The following NUP214 variants were observed in gnomAD, a reference collection of about 807,000 sequenced individuals.
NUP214 encodes nuclear pore complex protein Nup214.
In NUP214, 79 loss-of-function variants were observed where a neutral mutation model predicts 196.2. The observed-to-expected ratio is 0.40, with a 90% CI of 0.34 to 0.49. The LOEUF (loss-of-function observed/expected upper bound fraction) is 0.49, where lower values mean the gene tolerates loss of function less well. NUP214 is among the 20% of genes least tolerant of loss of function. The pLI is 0.58. For synonymous variants in NUP214, 1,020 were observed against 990.5 expected, an observed-to-expected ratio of 1.03 and a Z score of -0.56; for missense variants, 2,468 against 2,539.0, an observed-to-expected ratio of 0.97 and a Z score of 0.60.
intron 11 of NUP214, among the ~76,000 whole-genome samples, chr9:131,144,078 C>T (rs1437688759): frequency 6.6e-6 from 1 of 152,148 alleles, no homozygotes; most frequent in East Asian, 1.9e-4. Context: ...TAATGTCTTT[C>T]CTTAGTTTTC....
At position 131,198,429 on chromosome 9, in the gene NUP214, T is replaced by A; in HGVS notation, c.4935T>A (p.Phe1645Leu). ...CCGTCACTTCTGGCTCATCCGTCTT[T>A]GCTCAGCCTCCTGCTGCCAGTTCTA... ...FGTVTSGSSV[F>L]AQPPAASSSS... The change falls in exon 29 of 36, where the codon TTT becomes TTA. Residue 1645 changes from phenylalanine to leucine, a missense_variant. This residue lies in a region of NUP214 where 1,801 missense variants were observed against 1,779.4 expected (regional missense o/e 1.01). Transcript: ENST00000359428. 2 of 1,614,248 alleles carry A rather than the reference T, an allele frequency of 1.2e-6. No individual in the cohort carries two copies. Among genetic ancestry groups the A allele is most frequent in the South Asian group, 2.2e-5 (2 of 91,086 alleles).
At chr9:131,206,526 C>T (rs1305151259) in intron 30 of NUP214, among the ~76,000 whole-genome samples, 2 of 151,940 alleles carry the variant, frequency 1.3e-5, no homozygotes, top group Admixed American at 6.6e-5. Flanking sequence ...GTAACTGCAG[C>T]CTTGATCTCC....
At chr9:131,161,443 G>C (rs1454305534) in intron 18 of NUP214, among the ~76,000 whole-genome samples, 2 of 152,056 alleles carry the variant, frequency 1.3e-5, no homozygotes, top group Non-Finnish European at 2.9e-5. Context: ...ATTTTTAGTA[G>C]AGATGGGGTT....
In NUP214 at chr9:131,197,464, A is replaced by G; in HGVS notation, c.3970A>G (p.Ser1324Gly). 1 of 1,614,138 alleles carries G rather than the reference A, an allele frequency of 6.2e-7. No homozygotes were observed. The highest frequency in any genetic ancestry group is 8.5e-7 in the Non-Finnish European group (1 of 1,180,026). The change falls in exon 29 of 36, where the codon AGT becomes GGT. Residue 1324 changes from serine (S) to glycine (G), a missense_variant. Physicochemically the swap from Ser to Gly is moderately conservative, Grantham distance 56. Around this residue, in one of 5 missense-constraint regions of NUP214, gnomAD observed 1,801 missense variants for 1,779.4 expected, o/e 1.01. Transcript: ENST00000359428. ...PSKLGELLFP[S>G]SLAGETLGSF... ...CAAGCTGGGAGAGCTTCTGTTTCCA[A>G]GTTCTTTGGCTGGAGAGACTCTGGG... is the stretch of plus-strand genomic sequence containing the variant.
rs1360882629 is a variant in NUP214 at position 131,125,609 on chromosome 9, G to A, written c.-96G>A. 6.5e-7 allele frequency: 1 copy of A among 1,548,394 alleles called. No homozygotes were observed. Among genetic ancestry groups the A allele is most frequent in the Non-Finnish European group, 8.7e-7 (1 of 1,145,210 alleles). ...GCGAGGTCAACTGCGCGCCGCTGGC[G>A]CTGAGGGGAGGAAGTTTGCTGTCGA... On this transcript the variant is annotated 5_prime_UTR_variant, in exon 1 of 36. Transcript: ENST00000359428. This position sits in a 1 kb window ranked among gnomAD's most constrained non-coding sequence, Gnocchi z 4.1.
intron 17 of NUP214, among the ~76,000 whole-genome samples, chr9:131,152,145 C>T (rs1269977370): frequency 2.0e-5 from 3 of 152,104 alleles, no homozygotes; most frequent in Admixed American, 2.0e-4. Flanking sequence ...AGGGTCTTCT[C>T]ACTCTGTTGC....
rs1408179858 is a variant in NUP214, at chr9:131,232,180, G to A, written c.6215-104G>A. On this transcript the variant is annotated intron_variant, in intron 34 of 35. Transcript: ENST00000359428. The surrounding 1 kb of genome is among the most constrained non-coding windows in gnomAD (Gnocchi z 5.1). ...CCTGTAGGTGGTGGAGGCACGGAGG[G>A]CTTCCCACAAGAAGCACAGAGGAGG... 8.1e-7 allele frequency: 1 copy of A among 1,233,790 alleles called. No homozygotes were observed. The highest frequency in any genetic ancestry group is 1.5e-5 in the African/African-American group (1 of 67,446). The allele number at this position is 1,233,790 out of a possible 1,614,324, so 76.4% of individuals were successfully genotyped here.
At chr9:131,226,235 A>C (rs1397463784) in intron 32 of NUP214, among the ~76,000 whole-genome samples, 1 of 152,166 alleles carries the variant, frequency 6.6e-6, no homozygotes, top group Non-Finnish European at 1.5e-5. Context: ...TAAATCAGAA[A>C]GTTTATCATC....
chr9:131,164,243 G>T, intron 21 of NUP214, 99 bp downstream of exon 21: 2 of 1,060,770 alleles, frequency 1.9e-6, no homozygotes, highest in Admixed American at 1.9e-5. Context: ...GTGAGCTAGG[G>T]TGCTGTGTAT....
At chr9:131,150,072 T>G (rs568808014) in intron 14 of NUP214, 1 of 358,278 alleles carries the variant, frequency 2.8e-6, no homozygotes, top group African/African-American at 2.0e-5. Context: ...TGTGTTTATA[T>G]TTTATTATTC....
At chr9:131,216,168 G>A (rs1019914128) in intron 31 of NUP214, among the ~76,000 whole-genome samples, 2 of 149,460 alleles carry the variant, frequency 1.3e-5, no homozygotes, top group African/African-American at 2.5e-5. Flanking sequence ...GGGATTACAG[G>A]TATGAGCCAC....
intron 17 of NUP214, among the ~76,000 whole-genome samples, chr9:131,152,113 A>T (rs987607865): frequency 9.2e-5 from 14 of 152,140 alleles, no homozygotes; most frequent in South Asian, 2.1e-4. Flanking sequence ...GATTTTTTTT[A>T]AAATACTTTT....
rs770374521 is a variant in NUP214 at position 131,198,790 on chromosome 9, T to C, written c.5296T>C (p.Ser1766Pro). 15 of 1,614,072 alleles carry C rather than the reference T, an allele frequency of 9.3e-6. No individual in the cohort carries two copies. The highest frequency in any genetic ancestry group is 2.2e-5 in the East Asian group (1 of 44,900). Reference protein sequence around the residue: ...FGQPASSTPTSTSGSVFGAAS... With the variant: ...FGQPASSTPTPTSGSVFGAAS... ...TCAGCCTGCTTCCTCCACTCCCACA[T>C]CCACCAGTGGAAGTGTCTTTGGTGC... Residue 1766 changes from serine to proline, a missense_variant, in exon 29 of 36, where the codon TCC becomes CCC. Physicochemically the swap from Ser to Pro is moderately conservative, Grantham distance 74. Coordinates refer to ENST00000359428, the MANE Select transcript of NUP214 (RefSeq NM_005085.4).
At chr9:131,161,492 C>T (rs190283506) in intron 18 of NUP214, among the ~76,000 whole-genome samples, 79 of 152,178 alleles carry the variant, frequency 5.2e-4, no homozygotes, top group African/African-American at 1.8e-3. Flanking sequence ...CTCCTGACCT[C>T]GTGATCCACC....
At chr9:131,132,533 A>G in intron 5 of NUP214, 63 bp from the exon 6 acceptor site, 1 of 1,385,790 alleles carries the variant, frequency 7.2e-7, no homozygotes, top group Non-Finnish European at 1.0e-6. Flanking sequence ...TAGATTTGAC[A>G]GTTTGATTGG....
chr9:131,205,254 T>C (rs1834046306), intron 30 of NUP214, among the ~76,000 whole-genome samples: 1 of 152,252 alleles, frequency 6.6e-6, no homozygotes, highest in East Asian at 1.9e-4. Flanking sequence ...TAACCAACAG[T>C]GTAATTGTAT....
Position 131,198,682 on chromosome 9 carries a change from T to G in NUP214, c.5188T>G (p.Ser1730Ala). 6.2e-7 allele frequency: 1 copy of G among 1,614,222 alleles called. No homozygotes were observed. The highest frequency in any genetic ancestry group is 8.5e-7 in the Non-Finnish European group (1 of 1,180,034). ...VFGQTTFGQA[S>A]VFGQSASSAA... Reference sequence around the variant, plus strand: ...TGGACAGACAACCTTCGGGCAGGCCTCAGTCTTTGGGCAGTCGGCGAGCAG... The same window carrying G: ...TGGACAGACAACCTTCGGGCAGGCCGCAGTCTTTGGGCAGTCGGCGAGCAG... Residue 1730 changes from serine (S) to alanine (A), a missense_variant, in exon 29 of 36, where the codon TCA (serine) becomes GCA (alanine). Coordinates refer to ENST00000359428, the MANE Select transcript of NUP214 (RefSeq NM_005085.4).
intron 14 of NUP214, 183 bp from the exon 15 acceptor site, chr9:131,150,141 C>T (rs945110157): frequency 3.7e-6 from 2 of 543,854 alleles, no homozygotes; most frequent in Non-Finnish European, 6.6e-6. Context: ...ACTTGTTCAC[C>T]TCTACCTGCA....
At chr9:131,226,918 G>A (rs1834739856) in intron 32 of NUP214, among the ~76,000 whole-genome samples, 1 of 152,160 alleles carries the variant, frequency 6.6e-6, no homozygotes, top group African/African-American at 2.4e-5. Context: ...TAAGAAGTCT[G>A]GATTTCATCC....
Sources: allele counts gnomAD v4.1 joint callset (sites outside exome capture counted in the v4.1 genomes callset), GRCh38; gene constraint gnomAD v4.1.1; regional missense constraint gnomAD v4.1.1; non-coding constraint Gnocchi (gnomAD v3.1); transcripts MANE v1.5; gene names NCBI Gene and HGNC (gene_info 2026-07-23, HGNC 2026-07-21).